Variants in BLTP3B observed in about 807,000 individuals in gnomAD.
The protein encoded by BLTP3B is UHRF1 (ICBP90) binding protein 1-like.
the BLTP3B span, among the ~76,000 whole-genome samples, chr12:100,042,058 C>T: frequency 1.3e-5 from 2 of 152,122 alleles, no homozygotes; most frequent in East Asian, 1.9e-4. Context: ...AAAAGAAGCA[C>T]AAAACTTACT....
the BLTP3B span, among the ~76,000 whole-genome samples, chr12:100,048,711 A>G: frequency 7.0e-6 from 1 of 143,294 alleles, no homozygotes; most frequent in African/African-American, 2.5e-5. Flanking sequence ...GGCAAACCAA[A>G]AACTGAAATT....
the BLTP3B span, among the ~76,000 whole-genome samples, chr12:100,077,651 G>T: frequency 6.6e-6 from 1 of 152,154 alleles, no homozygotes. Context: ...TCCCAGAGGG[G>T]AATCACTGAG....
chr12:100,044,422 T>C, the BLTP3B span, among the ~76,000 whole-genome samples: 1 of 152,190 alleles, frequency 6.6e-6, no homozygotes, highest in Non-Finnish European at 1.5e-5. Context: ...TGATAGGAGA[T>C]GAAACAGATG....
the BLTP3B span, chr12:100,057,478 C>G: frequency 1.1e-6 from 1 of 921,498 alleles, no homozygotes. Flanking sequence ...AGCATGGGTA[C>G]AGTTAACAAT....
At chr12:100,127,658 GA>G in the BLTP3B span, among the ~76,000 whole-genome samples, 43 of 152,258 alleles carry the variant, frequency 2.8e-4, no homozygotes, top group Non-Finnish European at 5.1e-4. Flanking sequence ...CCCTGATAAT[GA>G]AATTTTTAAA....
At chr12:100,108,379 G>T in the BLTP3B span, 1 of 1,607,096 alleles carries the variant, frequency 6.2e-7, no homozygotes. Flanking sequence ...AGATATCAAA[G>T]TCTCACCCTA....
the BLTP3B span, among the ~76,000 whole-genome samples, chr12:100,061,428 C>A: frequency 6.6e-6 from 1 of 152,006 alleles, no homozygotes; most frequent in Admixed American, 6.6e-5. Flanking sequence ...GAGGCCGAGG[C>A]GGGTGGATCA....
the BLTP3B span, among the ~76,000 whole-genome samples, chr12:100,079,214 T>C: frequency 6.6e-6 from 1 of 152,202 alleles, no homozygotes; most frequent in African/African-American, 2.4e-5. Context: ...ACTTTGGAAC[T>C]GGGTAACAGG....
At chr12:100,074,485 G>A in the BLTP3B span, among the ~76,000 whole-genome samples, 1 of 151,612 alleles carries the variant, frequency 6.6e-6, no homozygotes, top group Non-Finnish European at 1.5e-5. Flanking sequence ...TGTAATCCCA[G>A]TTACTTGGGA....
the BLTP3B span, chr12:100,095,799 T>C: frequency 6.2e-7 from 1 of 1,611,972 alleles, no homozygotes; most frequent in Non-Finnish European, 8.5e-7. Flanking sequence ...CATCCAATAT[T>C]AGAACTAACT....
At chr12:100,038,112 C>G in the BLTP3B span, among the ~76,000 whole-genome samples, 1 of 152,104 alleles carries the variant, frequency 6.6e-6, no homozygotes, top group Non-Finnish European at 1.5e-5. Flanking sequence ...ACAGCTGTTT[C>G]ATATTTATCC....
At chr12:100,059,346 G>C in the BLTP3B span, 1 of 1,613,904 alleles carries the variant, frequency 6.2e-7, no homozygotes, top group East Asian at 2.2e-5. Context: ...ACAAGATTTG[G>C]GGAAGCTGGT....
the BLTP3B span, among the ~76,000 whole-genome samples, chr12:100,107,059 G>A: frequency 3.3e-5 from 5 of 151,868 alleles, no homozygotes; most frequent in South Asian, 2.1e-4. Flanking sequence ...AGGCAGAGGC[G>A]GGTGGTGGAT....
the BLTP3B span, among the ~76,000 whole-genome samples, chr12:100,113,505 T>C: frequency 6.6e-6 from 1 of 152,172 alleles, no homozygotes. Context: ...TGCTATCTAC[T>C]GCTTACTATT....
the BLTP3B span, among the ~76,000 whole-genome samples, chr12:100,048,860 A>G: frequency 6.6e-6 from 1 of 151,594 alleles, no homozygotes; most frequent in Non-Finnish European, 1.5e-5. Flanking sequence ...AAAAATTTAT[A>G]GATGGCCTAG....
chr12:100,042,583 A>T, the BLTP3B span, among the ~76,000 whole-genome samples: 1 of 152,200 alleles, frequency 6.6e-6, no homozygotes, highest in South Asian at 2.1e-4. Context: ...GAAAATCATC[A>T]TGACCTCAGA....
At chr12:100,137,915 T>A in the BLTP3B span, among the ~76,000 whole-genome samples, 1 of 152,140 alleles carries the variant, frequency 6.6e-6, no homozygotes. Context: ...CCCTTTGCCA[T>A]TGCTAATTGA....
the BLTP3B span, chr12:100,037,642 A>G: frequency 3.4e-5 from 54 of 1,608,590 alleles, no homozygotes; most frequent in Middle Eastern, 5.0e-4. Flanking sequence ...CCTGCTATTC[A>G]ACTGTCATCT....
chr12:100,047,760 T>A, the BLTP3B span: 1 of 1,053,152 alleles, frequency 9.5e-7, no homozygotes, highest in Non-Finnish European at 1.4e-6. Flanking sequence ...GCCTGTTATA[T>A]TTTGCCTGTT....
Sources: allele counts gnomAD v4.1 joint callset (sites outside exome capture counted in the v4.1 genomes callset), GRCh38; gene constraint gnomAD v4.1.1; transcripts MANE v1.5; gene names NCBI Gene and HGNC (gene_info 2026-07-23, HGNC 2026-07-21).